The following CDNF variants were observed in gnomAD, a reference collection of about 807,000 sequenced individuals.
The protein encoded by CDNF is cerebral dopamine neurotrophic factor.
CDNF carries 9 observed loss-of-function variants against 14.8 expected under a neutral mutation model. The ratio of observed to expected loss-of-function variants is 0.61; its 90% confidence interval spans 0.37 to 1.06. The LOEUF (loss-of-function observed/expected upper bound fraction) is 1.06. CDNF is among the 50% of genes least tolerant of loss of function. CDNF has a pLI of 0.01. For missense variants in CDNF, 228 were observed against 228.4 expected, an observed-to-expected ratio of 1.00 and a Z score of 0.01; for synonymous variants, 86 against 87.2, an observed-to-expected ratio of 0.99 and a Z score of 0.07.
Position 14,837,730 on chromosome 10 carries a change from G to A in CDNF, c.115+102C>T. On this transcript the variant is annotated intron_variant, in intron 1 of 3. Coordinates refer to ENST00000465530, the MANE Select transcript of CDNF (RefSeq NM_001029954.3). Reference sequence around the variant, plus strand: ...GAGGGACAGGGCCTGCATTTCCTGGGCGGAATGTTATTTATAGCCAGGGCC... The same window carrying A: ...GAGGGACAGGGCCTGCATTTCCTGGACGGAATGTTATTTATAGCCAGGGCC... The A allele has an allele frequency of 4.5e-6, 3 of 664,842 alleles. No homozygotes were observed. The South Asian group carries it at 5.7e-5, about 13-fold the overall frequency. 41.2% of individuals were successfully genotyped at this position (664,842 alleles called of 1,614,324 possible).
chr10:14,826,074 A>G (rs1371577516), intron 2 of CDNF, among the ~76,000 whole-genome samples: 11 of 141,790 alleles, frequency 7.8e-5, no homozygotes, highest in African/African-American at 1.1e-4. Context: ...GAAGAAGAAG[A>G]AGAAGAAGAA....
At chr10:14,837,332 G>A (rs565400063) in intron 1 of CDNF, among the ~76,000 whole-genome samples, 89 of 152,304 alleles carry the variant, frequency 5.8e-4, no homozygotes, top group African/African-American at 1.8e-3. Context: ...CTTTCCCAAG[G>A]AGTCAGTGTA....
intron 1 of CDNF, among the ~76,000 whole-genome samples, chr10:14,828,865 A>G (rs1052221592): frequency 6.6e-6 from 1 of 151,780 alleles, no homozygotes; most frequent in Non-Finnish European, 1.5e-5. Context: ...ACAAAAAAAC[A>G]AAAACAAAAA....
At chr10:14,826,051 A>AGAG (rs1223947531) in intron 2 of CDNF, among the ~76,000 whole-genome samples, 1 of 129,428 alleles carries the variant, frequency 7.7e-6, no homozygotes, top group African/African-American at 3.2e-5. Flanking sequence ...AAGAAGAAGA[A>AGAG]GAAGAAGAAG....
chr10:14,828,686 T>G (rs1833819756), intron 1 of CDNF, among the ~76,000 whole-genome samples: 1 of 150,486 alleles, frequency 6.6e-6, no homozygotes, highest in Non-Finnish European at 1.5e-5. Context: ...CAATGCTTCA[T>G]GACAGTGGAT....
chr10:14,835,033 C>T (rs147780292), intron 1 of CDNF, among the ~76,000 whole-genome samples: 23 of 152,130 alleles, frequency 1.5e-4, no homozygotes, highest in African/African-American at 5.3e-4. Context: ...GGCTAGGTGA[C>T]CAGGTAGTTG....
intron 1 of CDNF, among the ~76,000 whole-genome samples, chr10:14,829,446 G>GCACA (rs1833825841): frequency 6.6e-6 from 1 of 152,192 alleles, no homozygotes; most frequent in Non-Finnish European, 1.5e-5. Context: ...CTCTGTCTCT[G>GCACA]CACACACCTG....
At chr10:14,835,952 T>C (rs1173184309) in intron 1 of CDNF, among the ~76,000 whole-genome samples, 1 of 152,230 alleles carries the variant, frequency 6.6e-6, no homozygotes, top group African/African-American at 2.4e-5. Context: ...GGTCATCTGG[T>C]TTTTTGAGAA....
intron 3 of CDNF, among the ~76,000 whole-genome samples, chr10:14,823,777 T>C (rs1262969361): frequency 6.6e-6 from 1 of 152,216 alleles, no homozygotes; most frequent in Non-Finnish European, 1.5e-5. Context: ...TCCTCCTTTC[T>C]TGGCCTCCCA....
At chr10:14,834,422 C>T (rs1588799705) in intron 1 of CDNF, 1 of 152,080 alleles carries the variant, frequency 6.6e-6, no homozygotes, top group Non-Finnish European at 1.5e-5. Flanking sequence ...CAAAAGAAAC[C>T]CCCAGTATTC....
At chr10:14,831,565 C>T (rs1175587141) in intron 1 of CDNF, among the ~76,000 whole-genome samples, 1 of 149,602 alleles carries the variant, frequency 6.7e-6, no homozygotes, top group African/African-American at 2.5e-5. Flanking sequence ...CACACACACA[C>T]ACATATATAT....
intron 3 of CDNF, among the ~76,000 whole-genome samples, chr10:14,821,512 G>C (rs902155026): frequency 6.6e-6 from 1 of 152,208 alleles, no homozygotes; most frequent in African/African-American, 2.4e-5. Flanking sequence ...AGATGATTTA[G>C]AGTATACAGG....
intron 3 of CDNF, among the ~76,000 whole-genome samples, chr10:14,820,812 G>A (rs76899898): frequency 0.064 from 9,719 of 152,236 alleles, 463 homozygotes; most frequent in South Asian, 0.21. Flanking sequence ...CAAATCTCAC[G>A]AGGAATTGTA....
chr10:14,820,666 G>T (rs781056047), intron 3 of CDNF, among the ~76,000 whole-genome samples: 1 of 152,108 alleles, frequency 6.6e-6, no homozygotes, highest in South Asian at 2.1e-4. Context: ...TTGGGAGATG[G>T]AGGTTGCAGT....
At chr10:14,831,478 T>C (rs965893713) in intron 1 of CDNF, among the ~76,000 whole-genome samples, 7 of 148,154 alleles carry the variant, frequency 4.7e-5, no homozygotes, top group Non-Finnish European at 1.0e-4. Flanking sequence ...TATATATATA[T>C]ATACACACAC....
chr10:14,826,086 AAGAAGAAGAAGC>A lies in CDNF; in HGVS notation c.244-478_244-467del, dbSNP rs1439152990. ...GAAGAAGAAGAAGAAGAAGAAGAAG[AAGAAGAAGAAGC>A]AGCAGCAGCAGCAGCAGCAGCAGCA... On this transcript the variant is annotated intron_variant, in intron 2 of 3. Transcript: ENST00000465530. Among the ~76,000 whole-genome samples, 651 of 135,706 alleles carry A rather than the reference AAGAAGAAGAAGC, an allele frequency of 4.8e-3. 4 individuals are homozygous for A. Among genetic ancestry groups the A allele is most frequent in the Non-Finnish European group, 6.6e-3 (414 of 62,740 alleles). 89.0% of individuals were successfully genotyped at this position (135,706 alleles called of 152,430 possible).
chr10:14,832,565 C>A (rs1377561305), intron 1 of CDNF, among the ~76,000 whole-genome samples: 1 of 152,290 alleles, frequency 6.6e-6, no homozygotes, highest in South Asian at 2.1e-4. Flanking sequence ...ACCAGCTGAC[C>A]AGTTTAGAGG....
intron 1 of CDNF, among the ~76,000 whole-genome samples, chr10:14,831,488 C>T (rs1833842860): frequency 6.7e-6 from 1 of 149,278 alleles, no homozygotes; most frequent in Admixed American, 6.7e-5. Context: ...TATACACACA[C>T]ATATATATAC....
Position 14,837,977 on chromosome 10 carries a change from A to C in CDNF, c.-31T>G. ...GCCAGCAGCTTCAATCGCCTCCGCC[A>C]CCCGCGCCCACCGCCCACCAAGCTG... On this transcript the variant is annotated 5_prime_UTR_variant, in exon 1 of 4. Transcript: ENST00000465530. 1 of 1,493,060 alleles carries C rather than the reference A, an allele frequency of 6.7e-7. No individual in the cohort carries two copies. The highest frequency in any genetic ancestry group is 9.1e-7 in the Non-Finnish European group (1 of 1,096,812). 92.5% of individuals were successfully genotyped at this position (1,493,060 alleles called of 1,614,324 possible). A position where few individuals can be genotyped will look rare whatever the true frequency, so the allele number is the denominator to read the frequency against.
Sources: allele counts gnomAD v4.1 joint callset (sites outside exome capture counted in the v4.1 genomes callset), GRCh38; gene constraint gnomAD v4.1.1; transcripts MANE v1.5; gene names NCBI Gene and HGNC (gene_info 2026-07-23, HGNC 2026-07-21).